ACBD6: variants seen among roughly 807,000 people sequenced by gnomAD.
ACBD6 encodes the protein acyl-CoA-binding domain-containing protein 6.
In ACBD6, 28 loss-of-function variants were observed where a neutral mutation model predicts 37.2. The ratio of observed to expected loss-of-function variants is 0.75; its 90% CI spans 0.56 to 1.03. ACBD6 has a LOEUF of 1.03. Among genes scored for constraint, ACBD6 ranks in the 50% least tolerant of loss-of-function variants. The pLI is 0.00. For missense variants in ACBD6, 340 were observed against 337.4 expected (o/e 1.01, Z -0.06); for synonymous variants, 113 against 126.8 (o/e 0.89, Z 0.73).
chr1:180,497,894 T>A (rs1198067956), intron 1 of ACBD6, among the ~76,000 whole-genome samples: 1 of 152,214 alleles, frequency 6.6e-6, no homozygotes, highest in Non-Finnish European at 1.5e-5. Flanking sequence ...TTGTAGATAT[T>A]CTTCTTTGAT....
chr1:180,369,192 G>A (rs1165501969), intron 6 of ACBD6, among the ~76,000 whole-genome samples: 2 of 152,194 alleles, frequency 1.3e-5, no homozygotes, highest in East Asian at 1.9e-4. Context: ...AGTATAAACG[G>A]AGCAGCCTAC....
intron 6 of ACBD6, among the ~76,000 whole-genome samples, chr1:180,365,331 T>C (rs1216814506): frequency 2.0e-5 from 3 of 152,210 alleles, no homozygotes; most frequent in African/African-American, 7.2e-5. Flanking sequence ...AATCTGTACT[T>C]TTATATGAAA....
At chr1:180,391,205 G>A (rs928335118) in intron 6 of ACBD6, among the ~76,000 whole-genome samples, 1 of 151,992 alleles carries the variant, frequency 6.6e-6, no homozygotes, top group Non-Finnish European at 1.5e-5. Context: ...CAATGTAAGA[G>A]ATAACACTAT....
At chr1:180,496,615 A>G (rs1263204748) in intron 1 of ACBD6, among the ~76,000 whole-genome samples, 1 of 152,162 alleles carries the variant, frequency 6.6e-6, no homozygotes, top group African/African-American at 2.4e-5. Flanking sequence ...AGTTCTACTC[A>G]AATTTCAGAT....
At chr1:180,339,589 A>G (rs537589471) in intron 6 of ACBD6, among the ~76,000 whole-genome samples, 26 of 152,166 alleles carry the variant, frequency 1.7e-4, no homozygotes, top group Non-Finnish European at 7.3e-5. Flanking sequence ...GTAAATGACG[A>G]GTTAATGGGT....
intron 7 of ACBD6, among the ~76,000 whole-genome samples, chr1:180,291,192 G>A (rs1558235968): frequency 6.6e-6 from 1 of 152,148 alleles, no homozygotes; most frequent in South Asian, 2.1e-4. Context: ...GAACAGTTGG[G>A]TAAAGGTCTT....
chr1:180,473,222 C>T (rs1224612829), intron 3 of ACBD6, among the ~76,000 whole-genome samples: 11 of 151,852 alleles, frequency 7.2e-5, no homozygotes, highest in South Asian at 2.1e-4. Flanking sequence ...CCGAGGCGGG[C>T]GGATCACGAG....
At chr1:180,488,751 C>CT (rs905151745) in intron 3 of ACBD6, among the ~76,000 whole-genome samples, 24 of 151,932 alleles carry the variant, frequency 1.6e-4, no homozygotes, top group African/African-American at 5.3e-4. Context: ...TTTTTTTGTT[C>CT]TTTTTTTAAA....
intron 3 of ACBD6, among the ~76,000 whole-genome samples, chr1:180,480,507 A>C (rs1226223207): frequency 6.6e-6 from 1 of 152,152 alleles, no homozygotes; most frequent in Non-Finnish European, 1.5e-5. Context: ...AAGCAGAAGA[A>C]AGCATCTGAA....
chr1:180,412,779 T>C (rs921094806), intron 5 of ACBD6, among the ~76,000 whole-genome samples: 3 of 152,044 alleles, frequency 2.0e-5, no homozygotes, highest in East Asian at 1.9e-4. Flanking sequence ...GGCAAGAGGA[T>C]TGCGTAAGCC....
chr1:180,495,398 T>C, intron 2 of ACBD6, 63 bp downstream of exon 2: 1 of 1,240,214 alleles, frequency 8.1e-7, no homozygotes, highest in Non-Finnish European at 1.2e-6. Flanking sequence ...CTCACTGCTT[T>C]CTAATTCCTA....
At chr1:180,311,053 G>A (rs946962962) in intron 7 of ACBD6, among the ~76,000 whole-genome samples, 2 of 152,196 alleles carry the variant, frequency 1.3e-5, no homozygotes, top group Admixed American at 6.5e-5. Context: ...TGACAACAGA[G>A]ATAGTGTTTC....
intron 7 of ACBD6, among the ~76,000 whole-genome samples, chr1:180,308,920 G>A (rs1650486425): frequency 6.6e-6 from 1 of 152,158 alleles, no homozygotes; most frequent in Non-Finnish European, 1.5e-5. Context: ...TTTGTTGAAT[G>A]AATGAAATAT....
At chr1:180,456,347 G>A (rs1649924207) in intron 3 of ACBD6, among the ~76,000 whole-genome samples, 1 of 152,110 alleles carries the variant, frequency 6.6e-6, no homozygotes, top group Non-Finnish European at 1.5e-5. Context: ...CGGCACAAGT[G>A]TCCCCAGGGA....
intron 4 of ACBD6, among the ~76,000 whole-genome samples, chr1:180,427,658 C>A (rs1571497158): frequency 6.6e-6 from 1 of 152,290 alleles, no homozygotes; most frequent in African/African-American, 2.4e-5. Flanking sequence ...CACAGCGGCT[C>A]ACGCCTGTAA....
chr1:180,439,960 C>T (rs979256147), intron 3 of ACBD6, among the ~76,000 whole-genome samples: 10 of 152,126 alleles, frequency 6.6e-5, no homozygotes, highest in Non-Finnish European at 1.3e-4. Context: ...ATATATTTAG[C>T]ACTTCCAGGA....
chr1:180,383,973 A>G (rs545942940), intron 6 of ACBD6, among the ~76,000 whole-genome samples: 324 of 152,252 alleles, frequency 2.1e-3, no homozygotes, highest in Non-Finnish European at 2.7e-3. Context: ...TCCATATGCA[A>G]GGGAATAAAC....
chr1:180,415,045 C>A (rs1266655238), intron 4 of ACBD6, among the ~76,000 whole-genome samples: 1 of 151,602 alleles, frequency 6.6e-6, no homozygotes, highest in Non-Finnish European at 1.5e-5. Flanking sequence ...CCACTGCACT[C>A]CAGCCTGGGC....
At chr1:180,497,091 G>T (rs1452748559) in intron 1 of ACBD6, among the ~76,000 whole-genome samples, 1 of 152,066 alleles carries the variant, frequency 6.6e-6, no homozygotes, top group African/African-American at 2.4e-5. Flanking sequence ...AAAATCACAT[G>T]AACTACCAGA....
Sources: allele counts gnomAD v4.1 joint callset (sites outside exome capture counted in the v4.1 genomes callset), GRCh38; gene constraint gnomAD v4.1.1; transcripts MANE v1.5; gene names NCBI Gene and HGNC (gene_info 2026-07-23, HGNC 2026-07-21).